Variants in KANK1 observed in about 807,000 individuals in gnomAD.
KANK1 encodes KN motif and ankyrin repeat domains 1.
KANK1 carries 109 observed loss-of-function variants against 106.2 expected under a neutral mutation model. The observed-to-expected ratio is 1.03, with a 90% confidence interval of 0.88 to 1.20. KANK1 has a LOEUF of 1.20. Among genes scored for constraint, KANK1 ranks in the 50% most tolerant of loss-of-function variants. The pLI is 0.00. For missense variants in KANK1, 2,399 were observed against 1,710.7 expected (o/e 1.40, Z -7.10); for synonymous variants, 873 against 652.2 (o/e 1.34, Z -5.16).
chr9:654,507 C>A (rs907831536), intron 1 of KANK1, among the ~76,000 whole-genome samples: 1 of 152,040 alleles, frequency 6.6e-6, no homozygotes, highest in Non-Finnish European at 1.5e-5. Flanking sequence ...GCAAACCACT[C>A]ACAGGACAAT....
intron 1 of KANK1, among the ~76,000 whole-genome samples, chr9:532,277 T>G (rs2060094298): frequency 1.3e-5 from 2 of 149,796 alleles, no homozygotes; most frequent in South Asian, 4.3e-4. Flanking sequence ...GTTTCACTCT[T>G]GTTGCCCAGG....
intron 2 of KANK1, among the ~76,000 whole-genome samples, chr9:679,725 A>G (rs919515227): frequency 1.3e-5 from 2 of 152,138 alleles, no homozygotes; most frequent in Non-Finnish European, 2.9e-5. Flanking sequence ...AAAAGTATAG[A>G]TGTGTGTTGT....
chr9:700,797 T>C (rs780925394), intron 2 of KANK1, among the ~76,000 whole-genome samples: 1 of 152,174 alleles, frequency 6.6e-6, no homozygotes, highest in Non-Finnish European at 1.5e-5. Context: ...GTGAAAGTTG[T>C]GGCACAGGGG....
intron 3 of KANK1, among the ~76,000 whole-genome samples, chr9:478,835 C>T (rs999859066): frequency 2.0e-5 from 3 of 152,052 alleles, no homozygotes; most frequent in Admixed American, 6.5e-5. Context: ...TTACTTTGCA[C>T]AACCAAATGT....
At chr9:534,776 G>C (rs1007468492) in intron 1 of KANK1, among the ~76,000 whole-genome samples, 3 of 152,118 alleles carry the variant, frequency 2.0e-5, no homozygotes, top group Non-Finnish European at 4.4e-5. Context: ...CTTGATAAAA[G>C]CACCAACACT....
At chr9:476,247 G>A (rs570572665) in intron 3 of KANK1, among the ~76,000 whole-genome samples, 6 of 152,198 alleles carry the variant, frequency 3.9e-5, no homozygotes, top group South Asian at 2.1e-4. Flanking sequence ...TAGGCCGGGC[G>A]TGGTGGCTCA....
At chr9:596,509 G>C (rs1001349907) in intron 1 of KANK1, among the ~76,000 whole-genome samples, 8 of 151,746 alleles carry the variant, frequency 5.3e-5, no homozygotes, top group Non-Finnish European at 8.8e-5. Flanking sequence ...CACGGAGCCA[G>C]TGATTATTTA....
intron 1 of KANK1, among the ~76,000 whole-genome samples, chr9:571,579 T>C (rs56287243): frequency 9.1e-6 from 1 of 109,350 alleles, no homozygotes; most frequent in Non-Finnish European, 2.0e-5. Flanking sequence ...AAAAAAAAAA[T>C]TTTAAAAACG....
chr9:637,654 G>A (rs1384241990), intron 1 of KANK1, among the ~76,000 whole-genome samples: 1 of 152,164 alleles, frequency 6.6e-6, no homozygotes, highest in Non-Finnish European at 1.5e-5. Context: ...ATGGGATCAA[G>A]AAATAAGCCA....
chr9:483,726 T>C (rs1395458788), intron 3 of KANK1, among the ~76,000 whole-genome samples: 2 of 152,180 alleles, frequency 1.3e-5, no homozygotes, highest in Admixed American at 1.3e-4. Flanking sequence ...AAATGTATTC[T>C]CCTGGCTTTC....
chr9:530,804 T>C (rs1237928126), intron 1 of KANK1, among the ~76,000 whole-genome samples: 1 of 151,540 alleles, frequency 6.6e-6, no homozygotes, highest in Non-Finnish European at 1.5e-5. Context: ...GCCTGGACAA[T>C]ATGATGAAAC....
At chr9:568,497 C>G (rs546190240) in intron 1 of KANK1, among the ~76,000 whole-genome samples, 5 of 152,202 alleles carry the variant, frequency 3.3e-5, no homozygotes, top group Non-Finnish European at 7.4e-5. Context: ...GTGACCCAGG[C>G]TGGAGTGCAG....
intron 2 of KANK1, among the ~76,000 whole-genome samples, chr9:697,895 T>G (rs1488875953): frequency 3.3e-5 from 5 of 152,166 alleles, no homozygotes; most frequent in Non-Finnish European, 7.3e-5. Context: ...GAGGGTGTTA[T>G]CTGAGTTCTA....
chr9:742,344 A>G lies in KANK1; in HGVS notation c.3836A>G (p.His1279Arg). The part of the protein sequence containing the change: ...TALMCASEHG[H>R]VEIVKLLLAQ... Reference sequence around the variant, plus strand: ...CTCATGTGTGCCAGCGAGCACGGACACGTGGAGATTGTCAAGCTGCTGCTG... The same window carrying G: ...CTCATGTGTGCCAGCGAGCACGGACGCGTGGAGATTGTCAAGCTGCTGCTG... The change falls in exon 10 of 12, where the codon CAC (histidine) becomes CGC (arginine). Residue 1279 changes from histidine (H) to arginine (R), a missense_variant. Transcript: ENST00000382297. 6.2e-7 allele frequency: 1 copy of G among 1,614,110 alleles called. No homozygotes were observed. The highest frequency in any genetic ancestry group is 8.5e-7 in the Non-Finnish European group (1 of 1,180,008).
chr9:740,583 G>A (rs1835158698), intron 8 of KANK1, among the ~76,000 whole-genome samples: 1 of 152,044 alleles, frequency 6.6e-6, no homozygotes, highest in African/African-American at 2.4e-5. Flanking sequence ...TGTTTCTCTT[G>A]CTTCAGGTGT....
chr9:654,308 AG>A (rs1047654246), intron 1 of KANK1, among the ~76,000 whole-genome samples: 1 of 152,328 alleles, frequency 6.6e-6, no homozygotes, highest in East Asian at 1.9e-4. Context: ...CTTAGAAGGC[AG>A]GGTGTTTTCC....
At chr9:550,095 G>A (rs1219910433) in intron 1 of KANK1, among the ~76,000 whole-genome samples, 2 of 152,134 alleles carry the variant, frequency 1.3e-5, no homozygotes, top group African/African-American at 4.8e-5. Context: ...CCACTGGGTT[G>A]GATGCAGGAT....
chr9:740,557 T>C (rs1265408572), intron 8 of KANK1, among the ~76,000 whole-genome samples: 2 of 152,176 alleles, frequency 1.3e-5, no homozygotes, highest in Non-Finnish European at 1.5e-5. Context: ...CAAGATACGC[T>C]GTGGAAGCTT....
chr9:608,781 C>G (rs1467893568), intron 1 of KANK1, among the ~76,000 whole-genome samples: 3 of 152,200 alleles, frequency 2.0e-5, no homozygotes, highest in Non-Finnish European at 2.9e-5. Flanking sequence ...CACAGAGTTA[C>G]TTAACAACCT....
Sources: gnomAD v4.1 joint callset for allele counts (sites outside exome capture counted in the v4.1 genomes callset) on GRCh38, gnomAD v4.1.1 for gene constraint, MANE v1.5 for transcripts, NCBI Gene and HGNC (gene_info 2026-07-23, HGNC 2026-07-21) for gene names.